NPLOC4: variants seen among roughly 807,000 people sequenced by gnomAD.
NPLOC4 encodes the protein NPL4 homolog, ubiquitin recognition factor, also known as nuclear protein localization protein 4 homolog.
In NPLOC4, 18 loss-of-function variants were observed where a neutral mutation model predicts 80.6. The ratio of observed to expected loss-of-function variants is 0.22; its 90% CI spans 0.15 to 0.33. The LOEUF is 0.33. Ranked by LOEUF, NPLOC4 falls within the 10% of genes least tolerant of loss-of-function variation. The pLI, the probability that NPLOC4 is intolerant of heterozygous loss-of-function variation, is 1.00. For missense variants in NPLOC4, 540 were observed against 786.1 expected (o/e 0.69, Z 3.74); for synonymous variants, 313 against 301.5 (o/e 1.04, Z -0.39).
At chr17:81,590,269 A>G (rs2034703317) in intron 11 of NPLOC4, among the ~76,000 whole-genome samples, 1 of 152,152 alleles carries the variant, frequency 6.6e-6, no homozygotes, top group Admixed American at 6.5e-5. Flanking sequence ...CTTCTCTCCC[A>G]GTCTCCACTC....
Position 81,577,588 on chromosome 17 carries a change from T to TA in NPLOC4, c.1282-5501dup, listed in dbSNP as rs2034335825. On this transcript the variant is annotated intron_variant, in intron 12 of 16. Coordinates refer to ENST00000331134, the MANE Select transcript of NPLOC4 (RefSeq NM_017921.4). This position sits in a 1 kb window ranked among gnomAD's most constrained non-coding sequence, Gnocchi z 4.3. ...GGTTAATTTAGGCTTTCTCCACAGA[T>TA]AGTCTGAAAAGGGAACTATTGGCCT... is the stretch of plus-strand genomic sequence containing the variant. 1.3e-5 allele frequency among the ~76,000 whole-genome samples: 2 copies of TA among 152,304 alleles called. No homozygotes were observed. The highest frequency in any genetic ancestry group is 4.1e-4 in the South Asian group (2 of 4,822).
chr17:81,613,424 G>A lies in NPLOC4; in HGVS notation c.280C>T (p.Pro94Ser), dbSNP rs1243534406. The A allele has an allele frequency of 1.2e-6, 2 of 1,613,950 alleles. No homozygotes were observed. Among genetic ancestry groups the A allele is most frequent in the South Asian group, 2.2e-5 (2 of 91,072 alleles). ...GPSSEMETSVPPGFKVFGAPN... is the reference protein window; with the variant it reads ...GPSSEMETSVSPGFKVFGAPN... The stretch of plus-strand genomic sequence containing the variant: ...GCGCCAAAGACTTTGAAGCCCGGTG[G>A]AACTGACGTCTCCATTTCAGATGAG... Residue 94 changes from proline to serine, a missense_variant, in exon 4 of 17, where the codon CCA (proline) becomes TCA (serine). Around this residue, in one of 6 missense-constraint regions of NPLOC4, gnomAD observed 74 missense variants for 75.7 expected, o/e 0.98. Transcript: ENST00000331134.
At chr17:81,620,271 G>A (rs562539429) in intron 3 of NPLOC4, among the ~76,000 whole-genome samples, 2 of 152,308 alleles carry the variant, frequency 1.3e-5, no homozygotes, top group East Asian at 3.9e-4. Flanking sequence ...GCCAAGGCGG[G>A]TGGATCACGA....
At position 81,596,298 on chromosome 17, in the gene NPLOC4, C is replaced by A. The variant is rs1461631452; in HGVS notation, c.994-56G>T. ...TACAGCATCATGCCAAAATATACTT[C>A]TATTTCTTCTTTAAAAAATAAGAAC... On this transcript the variant is annotated intron_variant, in intron 10 of 16. Coordinates refer to ENST00000331134, the MANE Select transcript of NPLOC4 (RefSeq NM_017921.4). 7.7e-6 allele frequency: 12 copies of A among 1,555,730 alleles called. 1 individual carries two copies. The highest frequency in any genetic ancestry group is 2.3e-5 in the South Asian group (2 of 86,256).
At chr17:81,612,463 G>C (rs535267981) in intron 4 of NPLOC4, among the ~76,000 whole-genome samples, 1 of 152,344 alleles carries the variant, frequency 6.6e-6, no homozygotes, top group South Asian at 2.1e-4. Context: ...AGGCATGCCG[G>C]CTAATGGCTA....
chr17:81,622,340 T>C (rs2035691953), intron 2 of NPLOC4, 62 bp from the exon 3 acceptor site: 1 of 1,146,084 alleles, frequency 8.7e-7, no homozygotes, highest in Admixed American at 1.8e-5. Flanking sequence ...ACACATACCA[T>C]ACACACCAGA....
chr17:81,582,773 G>C (rs144955635), intron 12 of NPLOC4, among the ~76,000 whole-genome samples: 129 of 152,366 alleles, frequency 8.5e-4, no homozygotes, highest in Non-Finnish European at 1.3e-3. Flanking sequence ...CAGTCTACGA[G>C]TGTGAGTCTT....
Position 81,602,785 on chromosome 17 carries a change from A to G in NPLOC4, c.834+1763T>C, listed in dbSNP as rs1431006125. On this transcript the variant is annotated intron_variant, in intron 8 of 16. Coordinates refer to ENST00000331134, the MANE Select transcript of NPLOC4 (RefSeq NM_017921.4). ...CTGAGCATGGTGGCTTATGCTTGTA[A>G]TCCCAGAATTTTGGTAGGCTGAGGC... Among the ~76,000 whole-genome samples the G allele has an allele frequency of 5.3e-5, 8 of 151,800 alleles. No homozygotes were observed. In the East Asian group the frequency reaches 1.5e-3, roughly 29 times the overall value.
chr17:81,606,461 A>G (rs879770284), intron 7 of NPLOC4, among the ~76,000 whole-genome samples: 2 of 152,138 alleles, frequency 1.3e-5, no homozygotes, highest in Non-Finnish European at 2.9e-5. Context: ...CCTCCATATG[A>G]GCCAGCAAAA....
intron 3 of NPLOC4, among the ~76,000 whole-genome samples, chr17:81,617,449 A>T (rs1347631927): frequency 6.6e-6 from 1 of 152,050 alleles, no homozygotes; most frequent in African/African-American, 2.4e-5. Flanking sequence ...TGAGGCCAGC[A>T]GATCACCTGA....
chr17:81,576,443 T>C (rs2034303201), intron 12 of NPLOC4, among the ~76,000 whole-genome samples: 1 of 152,064 alleles, frequency 6.6e-6, no homozygotes, highest in African/African-American at 2.4e-5. Flanking sequence ...TATAAGCAGG[T>C]TGGAAGGATC....
chr17:81,631,436 ATTTTTTTTTT>A (rs70938164), intron 1 of NPLOC4, among the ~76,000 whole-genome samples: 8,468 of 117,028 alleles, frequency 0.072, 576 homozygotes, highest in South Asian at 0.13. Flanking sequence ...ATATATATAT[ATTTTTTTTTT>A]TTTTTTTTTT....
rs71367068 is a variant in NPLOC4, at chr17:81,598,094, CAAAAAAAAA to C, written c.922-787_922-779del. ...TGGCCCACAGAGCAAGACTCTGTCT[CAAAAAAAAA>C]AAAAAAAAAAAAGATAGATGATGAA... is the stretch of plus-strand genomic sequence containing the variant. On this transcript the variant is annotated intron_variant, in intron 9 of 16. Transcript: ENST00000331134. 1.6e-4 allele frequency among the ~76,000 whole-genome samples: 14 copies of C among 88,244 alleles called. No individual in the cohort carries two copies. In the South Asian group the frequency reaches 3.8e-3, roughly 24 times the overall value. The allele number at this position is 88,244 out of a possible 152,430, so 57.9% of individuals were successfully genotyped here. A position where few individuals can be genotyped will look rare whatever the true frequency, so the allele number is the denominator to read the frequency against.
chr17:81,572,113 G>A lies in NPLOC4; in HGVS notation c.1282-25C>T, dbSNP rs769780018. 58 of 1,548,370 alleles carry A rather than the reference G, an allele frequency of 3.7e-5. No homozygotes were observed. Among genetic ancestry groups the A allele is most frequent in the Admixed American group, 1.0e-4 (6 of 58,482 alleles). On this transcript the variant is annotated intron_variant, in intron 12 of 16. Coordinates refer to ENST00000331134, the MANE Select transcript of NPLOC4 (RefSeq NM_017921.4). The surrounding 1 kb of genome is among the most constrained non-coding windows in gnomAD (Gnocchi z 4.5). ...CCTGCAATAGTCAGAGGGGAACAGC[G>A]GTGAGCAAAGACGATCAGTAGTAAT...
At chr17:81,582,589 A>G (rs1465186368) in intron 12 of NPLOC4, among the ~76,000 whole-genome samples, 1 of 152,106 alleles carries the variant, frequency 6.6e-6, no homozygotes, top group African/African-American at 2.4e-5. Context: ...TTGTTGTAGA[A>G]ATGAGGTCTT....
At chr17:81,574,298 A>C (rs1392905335) in intron 12 of NPLOC4, among the ~76,000 whole-genome samples, 2 of 151,896 alleles carry the variant, frequency 1.3e-5, no homozygotes, top group Non-Finnish European at 2.9e-5. Context: ...TTTTTGTGTC[A>C]TGCTATTCTC....
At chr17:81,593,140 T>G (rs776688893) in intron 11 of NPLOC4, among the ~76,000 whole-genome samples, 2 of 152,126 alleles carry the variant, frequency 1.3e-5, no homozygotes, top group Non-Finnish European at 2.9e-5. Flanking sequence ...TACAATGATA[T>G]GAGATTAGAA....
intron 3 of NPLOC4, among the ~76,000 whole-genome samples, chr17:81,614,017 C>T (rs1673079388): frequency 6.6e-6 from 1 of 152,128 alleles, no homozygotes; most frequent in Admixed American, 6.6e-5. Flanking sequence ...TGGCTCATGC[C>T]TGTAATCCCA....
At chr17:81,617,222 G>A (rs2035519135) in intron 3 of NPLOC4, among the ~76,000 whole-genome samples, 1 of 152,154 alleles carries the variant, frequency 6.6e-6, no homozygotes. Flanking sequence ...TGGCCCCTGT[G>A]AGTACTTGAA....
Sources: gnomAD v4.1 joint callset for allele counts (sites outside exome capture counted in the v4.1 genomes callset) on GRCh38, gnomAD v4.1.1 for gene constraint, gnomAD v4.1.1 regional missense constraint, Gnocchi (gnomAD v3.1) non-coding constraint, MANE v1.5 for transcripts, NCBI Gene and HGNC (gene_info 2026-07-23, HGNC 2026-07-21) for gene names.